Variants in SLC9A9 observed in about 807,000 individuals in gnomAD.
SLC9A9 encodes sodium/hydrogen exchanger 9.
In SLC9A9, 62 loss-of-function variants were observed where a neutral mutation model predicts 77.8. The observed-to-expected ratio is 0.80, with a 90% CI of 0.65 to 0.98. The LOEUF is 0.98. Among genes scored for constraint, SLC9A9 ranks in the 50% least tolerant of loss-of-function variants. SLC9A9 has a pLI of 0.00. For synonymous variants in SLC9A9, 320 were observed against 283.5 expected (o/e 1.13, Z -1.29); for missense variants, 775 against 774.9 (o/e 1.00, Z 0.00).
chr3:143,275,353 G>A (rs767547982), intron 14 of SLC9A9, among the ~76,000 whole-genome samples: 9 of 152,032 alleles, frequency 5.9e-5, no homozygotes, highest in East Asian at 1.9e-4. Flanking sequence ...ATCTAATGTC[G>A]GTTGTTCTAG....
chr3:143,281,895 C>T (rs575958446), intron 14 of SLC9A9, among the ~76,000 whole-genome samples: 1 of 152,328 alleles, frequency 6.6e-6, no homozygotes, highest in Admixed American at 6.5e-5. Context: ...CCCCACTTAC[C>T]TTTCCTATCT....
intron 14 of SLC9A9, among the ~76,000 whole-genome samples, chr3:143,306,846 C>A (rs1349451005): frequency 6.6e-6 from 1 of 152,224 alleles, no homozygotes; most frequent in Non-Finnish European, 1.5e-5. Flanking sequence ...ATTTTCTCTT[C>A]TCAGCCCTGT....
intron 4 of SLC9A9, among the ~76,000 whole-genome samples, chr3:143,755,255 TCCTC>T (rs2006882965): frequency 6.6e-6 from 1 of 151,906 alleles, no homozygotes; most frequent in Admixed American, 6.6e-5. Flanking sequence ...TCAAGACACT[TCCTC>T]CCTCAAAAGT....
chr3:143,277,572 C>T (rs1290471898), intron 14 of SLC9A9, among the ~76,000 whole-genome samples: 1 of 152,170 alleles, frequency 6.6e-6, no homozygotes, highest in Non-Finnish European at 1.5e-5. Context: ...AAAAGATTTC[C>T]AGGGATCTTT....
intron 2 of SLC9A9, chr3:143,811,722 C>T (rs778296272): frequency 1.3e-4 from 61 of 455,010 alleles, no homozygotes; most frequent in South Asian, 5.7e-4. Context: ...ATTAGCCACG[C>T]ACAGTGGCAC....
Position 143,267,345 on chromosome 3 carries a change from CTT to C in SLC9A9, c.1711-418_1711-417del, listed in dbSNP as rs749407002. 5.8e-3 allele frequency among the ~76,000 whole-genome samples: 658 copies of C among 113,542 alleles called. 2 individuals carry two copies. Among genetic ancestry groups the C allele is most frequent in the African/African-American group, 0.023 (597 of 26,118 alleles). The allele number at this position is 113,542 out of a possible 152,430, so 74.5% of individuals were successfully genotyped here. ...AATCCTTGAAACACAGTTATTGCTACTTTTTTTTTTTTTTTTTTTTTGAGACA... is the reference window on the plus strand; with the variant it reads ...AATCCTTGAAACACAGTTATTGCTACTTTTTTTTTTTTTTTTTTTGAGACA... On this transcript the variant is annotated intron_variant, in intron 15 of 15. Coordinates refer to ENST00000316549, the MANE Select transcript of SLC9A9 (RefSeq NM_173653.4).
chr3:143,844,820 G>A (rs1318696337), intron 1 of SLC9A9, among the ~76,000 whole-genome samples: 1 of 149,234 alleles, frequency 6.7e-6, no homozygotes, highest in African/African-American at 2.5e-5. Context: ...ACCTAGGCTC[G>A]AGTGAAGGCT....
chr3:143,782,202 G>A (rs898129533), intron 4 of SLC9A9, among the ~76,000 whole-genome samples: 5 of 152,106 alleles, frequency 3.3e-5, no homozygotes, highest in African/African-American at 1.2e-4. Flanking sequence ...TGGATAATAT[G>A]GATTAAATGC....
chr3:143,490,545 T>C (rs769420608), intron 11 of SLC9A9, among the ~76,000 whole-genome samples: 1 of 152,180 alleles, frequency 6.6e-6, no homozygotes, highest in Non-Finnish European at 1.5e-5. Flanking sequence ...TCAATGGGTA[T>C]AGAGTTTCAG....
rs111531862 is a variant in SLC9A9 at position 143,467,727 on chromosome 3, A to AAGAGAGAGAGAGAGAGAGAGAG, written c.1316-559_1316-538dup. Among the ~76,000 whole-genome samples, 1,338 of 144,690 alleles carry AAGAGAGAGAGAGAGAGAGAGAG rather than the reference A, an allele frequency of 9.2e-3. 19 individuals carry two copies. Among genetic ancestry groups the AAGAGAGAGAGAGAGAGAGAGAG allele is most frequent in the Non-Finnish European group, 0.015 (982 of 65,442 alleles). 94.9% of individuals were successfully genotyped at this position (144,690 alleles called of 152,430 possible). On this transcript the variant is annotated intron_variant, in intron 11 of 15. Coordinates refer to ENST00000316549, the MANE Select transcript of SLC9A9 (RefSeq NM_173653.4). ...GTGACAGAATAAGTCCCTGGCTCTA[A>AAGAGAGAGAGAGAGAGAGAGAG]AGAGAGAGAGAGAGAGAGAGAGAGA...
intron 5 of SLC9A9, among the ~76,000 whole-genome samples, chr3:143,691,464 T>C (rs7620747): frequency 0.43 from 65,554 of 151,916 alleles, 14,322 homozygotes; most frequent in South Asian, 0.6. Context: ...CATTCTTCTG[T>C]TGAATAAAAA....
At chr3:143,453,464 T>C (rs562940315) in intron 12 of SLC9A9, among the ~76,000 whole-genome samples, 15 of 152,054 alleles carry the variant, frequency 9.9e-5, no homozygotes, top group Non-Finnish European at 2.1e-4. Flanking sequence ...ATACAAAATT[T>C]TAGGGAAAAA....
At chr3:143,385,776 C>T (rs1242758857) in intron 12 of SLC9A9, among the ~76,000 whole-genome samples, 2 of 152,180 alleles carry the variant, frequency 1.3e-5, no homozygotes, top group Non-Finnish European at 2.9e-5. Context: ...CCTTAGGTGA[C>T]ATCCAAGGGT....
chr3:143,816,152 A>G (rs950797332), intron 2 of SLC9A9, among the ~76,000 whole-genome samples: 3 of 152,162 alleles, frequency 2.0e-5, no homozygotes. Context: ...TACTGTATTT[A>G]TGTATTTCAT....
At chr3:143,589,476 A>G (rs149550925) in intron 6 of SLC9A9, among the ~76,000 whole-genome samples, 217 of 152,292 alleles carry the variant, frequency 1.4e-3, no homozygotes, top group African/African-American at 4.9e-3. Context: ...AGATACAGAA[A>G]TACTTACCAT....
chr3:143,844,828 G>C (rs771020637), intron 1 of SLC9A9, among the ~76,000 whole-genome samples: 78 of 149,760 alleles, frequency 5.2e-4, no homozygotes, highest in Non-Finnish European at 6.4e-4. Context: ...TCGAGTGAAG[G>C]CTGGAGTGAA....
At chr3:143,648,014 C>CAG (rs1346173691) in intron 6 of SLC9A9, among the ~76,000 whole-genome samples, 1 of 151,914 alleles carries the variant, frequency 6.6e-6, no homozygotes, top group Non-Finnish European at 1.5e-5. Flanking sequence ...TTAATAAAAC[C>CAG]AGAGAGATCT....
chr3:143,651,263 C>T (rs1010830943), intron 6 of SLC9A9, among the ~76,000 whole-genome samples: 2 of 152,154 alleles, frequency 1.3e-5, no homozygotes, highest in African/African-American at 4.8e-5. Context: ...AGGAAAGACA[C>T]TTCTCTGTGG....
intron 12 of SLC9A9, among the ~76,000 whole-genome samples, chr3:143,423,942 C>T (rs902636209): frequency 1.3e-5 from 2 of 152,142 alleles, no homozygotes; most frequent in Non-Finnish European, 2.9e-5. Flanking sequence ...ATCAGAAACA[C>T]CCAGAATAAG....
Sources: allele counts gnomAD v4.1 joint callset (sites outside exome capture counted in the v4.1 genomes callset), GRCh38; gene constraint gnomAD v4.1.1; transcripts MANE v1.5; gene names NCBI Gene and HGNC (gene_info 2026-07-23, HGNC 2026-07-21).